The following HS2ST1 variants were observed in gnomAD, a reference collection of about 807,000 sequenced individuals.
HS2ST1 encodes the protein heparan sulfate 2-O-sulfotransferase 1, also known as 2-O-sulfotransferase.
A neutral mutation model predicts 42.9 loss-of-function variants in HS2ST1; 18 were observed. The observed-to-expected ratio is 0.42, with a 90% CI of 0.29 to 0.62. HS2ST1 has a LOEUF of 0.62. HS2ST1 is among the 20% of genes least tolerant of loss of function. The probability of loss-of-function intolerance (pLI) is 0.21; values close to 1 mark genes in which losing one functional copy is unlikely to be tolerated. For synonymous variants in HS2ST1, 146 were observed against 152.9 expected (o/e 0.95, Z 0.33); for missense variants, 334 against 433.8 (o/e 0.77, Z 2.04).
intron 1 of HS2ST1, among the ~76,000 whole-genome samples, chr1:87,043,613 T>G (rs1160382472): frequency 6.6e-6 from 1 of 152,082 alleles, no homozygotes; most frequent in African/African-American, 2.4e-5. Flanking sequence ...CTGTCTTATA[T>G]TCTATGTATG....
intron 1 of HS2ST1, among the ~76,000 whole-genome samples, chr1:87,043,817 T>C (rs931404678): frequency 6.6e-6 from 1 of 152,104 alleles, no homozygotes; most frequent in Non-Finnish European, 1.5e-5. Context: ...AATATATGTA[T>C]AGAAATAAAT....
intron 2 of HS2ST1, among the ~76,000 whole-genome samples, chr1:87,081,765 A>C (rs1263534626): frequency 2.6e-5 from 4 of 152,052 alleles, no homozygotes; most frequent in Non-Finnish European, 4.4e-5. Flanking sequence ...AGGCGGGCAG[A>C]TCACGAGGTC....
chr1:87,086,137 TG>T (rs1331419225), intron 3 of HS2ST1, among the ~76,000 whole-genome samples: 1 of 152,130 alleles, frequency 6.6e-6, no homozygotes, highest in Non-Finnish European at 1.5e-5. Context: ...GCTCCATAAA[TG>T]GGGAAGGAAA....
chr1:87,060,206 A>G (rs891315326), intron 1 of HS2ST1, among the ~76,000 whole-genome samples: 1 of 152,172 alleles, frequency 6.6e-6, no homozygotes, highest in Admixed American at 6.5e-5. Flanking sequence ...CTGGAAGACA[A>G]CCATCTTCTG....
At chr1:86,931,746 T>A (rs555518983) in intron 1 of HS2ST1, among the ~76,000 whole-genome samples, 1 of 152,204 alleles carries the variant, frequency 6.6e-6, no homozygotes, top group South Asian at 2.1e-4. Flanking sequence ...ATAATGATTG[T>A]TGAGCACATT....
chr1:86,953,995 C>T (rs1647599624), intron 1 of HS2ST1, among the ~76,000 whole-genome samples: 1 of 143,402 alleles, frequency 7.0e-6, no homozygotes, highest in Non-Finnish European at 1.5e-5. Context: ...GTTTGTGACG[C>T]CCCAAAACAA....
At chr1:87,011,765 G>T (rs779566228) in intron 1 of HS2ST1, among the ~76,000 whole-genome samples, 2 of 152,138 alleles carry the variant, frequency 1.3e-5, no homozygotes, top group Non-Finnish European at 2.9e-5. Flanking sequence ...TTATTTGGTA[G>T]CACTACAGTC....
intron 1 of HS2ST1, among the ~76,000 whole-genome samples, chr1:86,979,312 A>G (rs1025905936): frequency 1.3e-5 from 2 of 152,182 alleles, no homozygotes; most frequent in African/African-American, 2.4e-5. Context: ...ACAGAACTTT[A>G]TCATCATGTC....
chr1:87,024,787 G>A (rs921198390), intron 1 of HS2ST1, among the ~76,000 whole-genome samples: 3 of 151,998 alleles, frequency 2.0e-5, no homozygotes, highest in Admixed American at 2.0e-4. Flanking sequence ...GGTTTCTAAG[G>A]TCCTTTTTCA....
chr1:86,946,230 C>T (rs72947880), intron 1 of HS2ST1, among the ~76,000 whole-genome samples: 3,564 of 152,104 alleles, frequency 0.023, 71 homozygotes, highest in African/African-American at 0.049. Context: ...ATAATGTTTT[C>T]CATTGAACTG....
intron 1 of HS2ST1, among the ~76,000 whole-genome samples, chr1:86,947,794 G>A (rs1647384316): frequency 6.6e-6 from 1 of 152,088 alleles, no homozygotes; most frequent in African/African-American, 2.4e-5. Flanking sequence ...TTTGAGGGAA[G>A]GAGACACAAG....
At chr1:86,934,675 C>A (rs1660606526) in intron 1 of HS2ST1, 1 of 152,602 alleles carries the variant, frequency 6.6e-6, no homozygotes, top group Middle Eastern at 3.3e-3. Context: ...CGCCAGTAAT[C>A]CCAGCACTTT....
At chr1:86,923,507 C>T (rs573778065) in intron 1 of HS2ST1, among the ~76,000 whole-genome samples, 62 of 152,114 alleles carry the variant, frequency 4.1e-4, no homozygotes, top group African/African-American at 1.5e-3. Context: ...CGCCATTCTC[C>T]TGCCTCAGCC....
intron 1 of HS2ST1, among the ~76,000 whole-genome samples, chr1:87,013,497 T>C (rs1649662366): frequency 6.6e-6 from 1 of 152,180 alleles, no homozygotes; most frequent in African/African-American, 2.4e-5. Context: ...AACCATTTTT[T>C]CCTCCTAGGC....
chr1:86,952,908 G>A (rs1647566109), intron 1 of HS2ST1, among the ~76,000 whole-genome samples: 1 of 152,062 alleles, frequency 6.6e-6, no homozygotes, highest in Non-Finnish European at 1.5e-5. Flanking sequence ...GCTTTCTTTA[G>A]TTCCTGGTAG....
rs887317387 is a variant in HS2ST1 at position 87,107,246 on chromosome 1, G to A, written c.*2550G>A. The A allele has an allele frequency of 2.6e-5, 4 of 151,882 alleles. No individual in the cohort carries two copies. Among genetic ancestry groups the A allele is most frequent in the South Asian group, 4.2e-4 (2 of 4,818 alleles). The allele number at this position is 151,882 out of a possible 1,614,324, so 9.4% of individuals were successfully genotyped here. A position where few individuals can be genotyped will look rare whatever the true frequency, so the allele number is the denominator to read the frequency against. On this transcript the variant is annotated 3_prime_UTR_variant, in exon 7 of 7. Coordinates refer to ENST00000370550, the MANE Select transcript of HS2ST1 (RefSeq NM_012262.4). ...TATCCAAAGAATTGCTTTCTGATTC[G>A]TGTAGTCTCTCCCACAGATTCATAA... is the stretch of plus-strand genomic sequence containing the variant.
intron 1 of HS2ST1, 50 bp downstream of exon 1, chr1:86,915,210 G>C: frequency 6.4e-7 from 1 of 1,559,568 alleles, no homozygotes; most frequent in Non-Finnish European, 8.7e-7. Context: ...GGGCCGAGGA[G>C]GCGCTGCCGC....
chr1:86,949,981 A>G (rs1002268203), intron 1 of HS2ST1, among the ~76,000 whole-genome samples: 1 of 152,232 alleles, frequency 6.6e-6, no homozygotes, highest in African/African-American at 2.4e-5. Flanking sequence ...GTTTTAAACA[A>G]CTAATAAATG....
At chr1:87,007,118 T>C (rs1380650665) in intron 1 of HS2ST1, among the ~76,000 whole-genome samples, 6 of 152,088 alleles carry the variant, frequency 3.9e-5, no homozygotes, top group Non-Finnish European at 1.5e-5. Context: ...ACCTCTTAAT[T>C]TCTTTTCTTA....
Sources: allele counts gnomAD v4.1 joint callset (sites outside exome capture counted in the v4.1 genomes callset), GRCh38; gene constraint gnomAD v4.1.1; transcripts MANE v1.5; gene names NCBI Gene and HGNC (gene_info 2026-07-23, HGNC 2026-07-21).